Variants in PPFIBP2 observed in about 807,000 individuals in gnomAD.
The protein encoded by PPFIBP2 is PPFIB scaffold protein 2.
In PPFIBP2, 118 loss-of-function variants were observed where a neutral mutation model predicts 118.3. The observed-to-expected ratio is 1.00, with a 90% CI of 0.86 to 1.16. The LOEUF (loss-of-function observed/expected upper bound fraction) is 1.16. Ranked by LOEUF, PPFIBP2 falls within the 50% of genes most tolerant of loss-of-function variation. The pLI is 0.00. For synonymous variants in PPFIBP2, 414 were observed against 397.4 expected (o/e 1.04, Z -0.50); for missense variants, 1,195 against 1,073.1 (o/e 1.11, Z -1.59).
chr11:7,517,054 G>A (rs1486608534), intron 1 of PPFIBP2, among the ~76,000 whole-genome samples: 1 of 152,184 alleles, frequency 6.6e-6, no homozygotes, highest in Non-Finnish European at 1.5e-5. Flanking sequence ...GGTATCCATC[G>A]TGTCGTTGTA....
chr11:7,597,424 C>T (rs1860546027), intron 4 of PPFIBP2, 136 bp from the exon 5 acceptor site: 2 of 1,538,844 alleles, frequency 1.3e-6, no homozygotes, highest in African/African-American at 1.4e-5. Flanking sequence ...CTCCACCTGC[C>T]ACTCAGCAAA....
chr11:7,566,635 T>C (rs974932344), intron 3 of PPFIBP2, among the ~76,000 whole-genome samples: 3 of 152,210 alleles, frequency 2.0e-5, no homozygotes, highest in African/African-American at 7.2e-5. Context: ...CCAAAAGTGC[T>C]AGGATTATAA....
At chr11:7,617,817 C>G (rs984052255) in intron 6 of PPFIBP2, among the ~76,000 whole-genome samples, 3 of 152,046 alleles carry the variant, frequency 2.0e-5, no homozygotes, top group African/African-American at 7.2e-5. Flanking sequence ...TCTGAATTTC[C>G]AGGAAAAATC....
chr11:7,594,535 A>G (rs1011403316), intron 4 of PPFIBP2, among the ~76,000 whole-genome samples: 2 of 152,218 alleles, frequency 1.3e-5, no homozygotes, highest in Non-Finnish European at 2.9e-5. Flanking sequence ...TAATCCCAGC[A>G]CTTTGGGAGG....
intron 1 of PPFIBP2, among the ~76,000 whole-genome samples, chr11:7,522,726 G>C (rs780573189): frequency 2.0e-5 from 3 of 152,214 alleles, no homozygotes; most frequent in Non-Finnish European, 4.4e-5. Flanking sequence ...CCAATGCCAT[G>C]GGGGCCCGAA....
chr11:7,635,768 T>TA (rs371444685), intron 14 of PPFIBP2, among the ~76,000 whole-genome samples, 175 bp downstream of exon 14: 313 of 152,346 alleles, frequency 2.1e-3, no homozygotes, highest in African/African-American at 7.1e-3. Context: ...CTCAGCTATT[T>TA]AATATGCTTT....
In PPFIBP2 at chr11:7,628,295, T is replaced by A. The variant is rs201032463; in HGVS notation, c.837T>A (p.Ile279=). The part of the protein sequence containing the change: ...SESHTERDQE[I]QRLKMGMETL... ...CCTGAATTCTTTTAGACCAAGAAAT[T>A]CAACGTCTGAAAATGGGGATGGAAA... The change falls in exon 9 of 24, where the codon ATT becomes ATA. Residue 279 remains isoleucine, a synonymous_variant. Coordinates refer to ENST00000299492, the MANE Select transcript of PPFIBP2 (RefSeq NM_003621.5). 4 of 1,613,700 alleles carry A rather than the reference T, an allele frequency of 2.5e-6. No individual in the cohort carries two copies. The highest frequency in any genetic ancestry group is 3.4e-6 in the Non-Finnish European group (4 of 1,179,774).
rs1854049910 is a variant in PPFIBP2 at position 7,651,760 on chromosome 11, G to A, written c.2352G>A (p.Leu784=). Residue 784 remains leucine, a synonymous_variant, in exon 23 of 24, where the codon TTG becomes TTA. Transcript: ENST00000299492. ...ACCTGACCACCAAGTTCAATGCCTT[G>A]ATTGGTCCGGAGGCTGAACAGGAGA... ...RRHLTTKFNA[L]IGPEAEQEKR... 6.2e-7 allele frequency: 1 copy of A among 1,614,122 alleles called. No individual in the cohort carries two copies. The highest frequency in any genetic ancestry group is 1.3e-5 in the African/African-American group (1 of 75,048).
chr11:7,573,046 C>T (rs765851045), intron 3 of PPFIBP2, among the ~76,000 whole-genome samples: 1 of 152,208 alleles, frequency 6.6e-6, no homozygotes, highest in Non-Finnish European at 1.5e-5. Flanking sequence ...TCCGAAAGTG[C>T]TGGGAATACA....
At chr11:7,601,949 C>T (rs1450169903) in intron 5 of PPFIBP2, among the ~76,000 whole-genome samples, 2 of 151,932 alleles carry the variant, frequency 1.3e-5, no homozygotes, top group African/African-American at 4.8e-5. Context: ...CAAAATTAGA[C>T]AGGTGTGGTG....
intron 9 of PPFIBP2, among the ~76,000 whole-genome samples, chr11:7,629,004 T>C (rs1400053804): frequency 2.0e-5 from 3 of 152,210 alleles, no homozygotes; most frequent in East Asian, 3.8e-4. Context: ...GCCTTTGCCT[T>C]GAAAGAAACG....
At chr11:7,626,402 A>G (rs1392915713) in intron 8 of PPFIBP2, among the ~76,000 whole-genome samples, 1 of 152,128 alleles carries the variant, frequency 6.6e-6, no homozygotes, top group Non-Finnish European at 1.5e-5. Flanking sequence ...TGGCCACCCT[A>G]ACTCAAATAG....
chr11:7,575,993 T>A (rs1856273128), intron 3 of PPFIBP2, among the ~76,000 whole-genome samples: 1 of 152,208 alleles, frequency 6.6e-6, no homozygotes, highest in Non-Finnish European at 1.5e-5. Context: ...CTCTCCTCCT[T>A]GCCGCCTCTG....
rs1050435855 is a variant in PPFIBP2 at position 7,584,737 on chromosome 11, G to GTTTA, written c.280-8383_280-8380dup. On this transcript the variant is annotated intron_variant, in intron 3 of 23. Coordinates refer to ENST00000299492, the MANE Select transcript of PPFIBP2 (RefSeq NM_003621.5). The stretch of plus-strand genomic sequence containing the variant: ...TAGCTTTTGTGATCCAATCATTTTT[G>GTTTA]TTTATTTATTTATTTTGGTCCCCTT... Among the ~76,000 whole-genome samples the GTTTA allele has an allele frequency of 5.9e-5, 9 of 152,198 alleles. No homozygotes were observed. In the South Asian group the frequency reaches 1.2e-3, roughly 21 times the overall value.
chr11:7,519,640 C>CA (rs1190670229), intron 1 of PPFIBP2, among the ~76,000 whole-genome samples: 3 of 152,068 alleles, frequency 2.0e-5, no homozygotes, highest in Non-Finnish European at 4.4e-5. Flanking sequence ...GGGAGTTTCC[C>CA]ATAATGAAGG....
chr11:7,621,208 G>C (rs1183235683), intron 7 of PPFIBP2, among the ~76,000 whole-genome samples, 181 bp downstream of exon 7: 1 of 152,150 alleles, frequency 6.6e-6, no homozygotes, highest in African/African-American at 2.4e-5. Flanking sequence ...GATCCTCATG[G>C]AGAATGCCCG....
Position 7,642,309 on chromosome 11 carries a change from CTCAG to C in PPFIBP2, c.1534_1537del (p.Ser512GlufsTer64), listed in dbSNP as rs1447932817. The C allele has an allele frequency of 6.2e-7, 1 of 1,614,084 alleles. No homozygotes were observed. The highest frequency in any genetic ancestry group is 8.5e-7 in the Non-Finnish European group (1 of 1,179,990). Reference sequence around the variant, plus strand: ...TCTTCTCCATGCAGAATCCGAAGAACTCAGTCAGGAAATTTCTACACTGACACGC... The same window carrying C: ...TCTTCTCCATGCAGAATCCGAAGAACTCAGGAAATTTCTACACTGACACGC... On this transcript the variant is annotated frameshift_variant, in exon 17 of 24. Transcript: ENST00000299492. LOFTEE classifies it high-confidence loss of function.
chr11:7,663,833 C>G, the PPFIBP2 span, among the ~76,000 whole-genome samples: 14,865 of 152,218 alleles, frequency 0.098, 1,107 homozygotes, highest in East Asian at 0.42. Flanking sequence ...CAGCCAGGTG[C>G]GGGATATAAT....
chr11:7,583,456 A>G (rs1857570841), intron 3 of PPFIBP2, among the ~76,000 whole-genome samples: 1 of 152,290 alleles, frequency 6.6e-6, no homozygotes, highest in East Asian at 1.9e-4. Flanking sequence ...TTCAGTAATA[A>G]TGACTCAGTG....
Sources: gnomAD v4.1 joint callset for allele counts (sites outside exome capture counted in the v4.1 genomes callset) on GRCh38, gnomAD v4.1.1 for gene constraint, MANE v1.5 for transcripts, NCBI Gene and HGNC (gene_info 2026-07-23, HGNC 2026-07-21) for gene names.